MAMLD1: variants seen among roughly 807,000 people sequenced by gnomAD.
MAMLD1 encodes mastermind-like domain-containing protein 1.
A neutral mutation model predicts 45.0 loss-of-function variants in MAMLD1; 14 were observed. The ratio of observed to expected loss-of-function variants is 0.31; its 90% confidence interval spans 0.21 to 0.49. MAMLD1 has a LOEUF of 0.49. Ranked by LOEUF, MAMLD1 falls within the 20% of genes least tolerant of loss-of-function variation. The pLI, the probability that MAMLD1 is intolerant of heterozygous loss-of-function variation, is 0.99. For synonymous variants in MAMLD1, 254 were observed against 247.8 expected (o/e 1.02, Z -0.24); for missense variants, 543 against 603.6 (o/e 0.90, Z 1.05).
chrX:150,476,100 C>T (rs1295577608), intron 5 of MAMLD1, among the ~76,000 whole-genome samples: 1 of 111,685 alleles, frequency 9.0e-6, no homozygotes, highest in Non-Finnish European at 1.9e-5. Context: ...GCTTCTTGGA[C>T]TTTAAATTAC....
intron 3 of MAMLD1, among the ~76,000 whole-genome samples, chrX:150,467,214 G>A: frequency 8.9e-6 from 1 of 112,240 alleles, no homozygotes; most frequent in East Asian, 2.8e-4. Flanking sequence ...GGAGAATGTA[G>A]AAGAGACACA....
rs1293987659 is a variant in MAMLD1 at position 150,386,235 on chromosome X, T to C, written c.-64+22705T>C. 4.5e-5 allele frequency among the ~76,000 whole-genome samples: 5 copies of C among 112,021 alleles called. No homozygotes were observed. The East Asian group carries it at 1.4e-3, about 31-fold the overall frequency. Reference sequence around the variant, plus strand: ...CAGTAATTTACTGTTTCAGGCTTGATGGCTTTCACAGGTTTTTCTAAACAA... The same window carrying C: ...CAGTAATTTACTGTTTCAGGCTTGACGGCTTTCACAGGTTTTTCTAAACAA... On this transcript the variant is annotated intron_variant, in intron 1 of 7. Transcript: ENST00000370401.
At chrX:150,446,379 C>G (rs1380259829) in intron 2 of MAMLD1, among the ~76,000 whole-genome samples, 1 of 111,319 alleles carries the variant, frequency 9.0e-6, no homozygotes, top group Admixed American at 9.5e-5. Context: ...AGCCGTGGGT[C>G]GGCTTCCTTC....
At chrX:150,426,320 G>T (rs1203507910) in intron 1 of MAMLD1, among the ~76,000 whole-genome samples, 1 of 112,304 alleles carries the variant, frequency 8.9e-6, no homozygotes, top group Non-Finnish European at 1.9e-5. Flanking sequence ...GGCTTGAGGA[G>T]TCTATTGCTG....
intron 1 of MAMLD1, among the ~76,000 whole-genome samples, chrX:150,397,617 T>C (rs1426112309): frequency 9.0e-6 from 1 of 111,675 alleles, no homozygotes; most frequent in Non-Finnish European, 1.9e-5. Flanking sequence ...TCATCCCACC[T>C]ACCCATTTAG....
At chrX:150,435,298 G>A (rs1323193961) in intron 1 of MAMLD1, among the ~76,000 whole-genome samples, 4 of 111,276 alleles carry the variant, frequency 3.6e-5, no homozygotes, top group Non-Finnish European at 7.5e-5. Context: ...GGTGGATCAT[G>A]AGGTCAGGAG....
intron 1 of MAMLD1, among the ~76,000 whole-genome samples, chrX:150,398,347 G>GA (rs1557402331): frequency 3.0e-5 from 3 of 98,721 alleles, no homozygotes; most frequent in African/African-American, 1.3e-4. Context: ...AGAAGAGGAA[G>GA]AGGAAGAGGA....
rs186343500 is a variant in MAMLD1, at chrX:150,373,593, G to A, written c.-64+10063G>A. ...CTGAAGCCCTATTCTGCATACGGCT[G>A]GGGACAGGCTCACTGGCATTTTCAG... On this transcript the variant is annotated intron_variant, in intron 1 of 7. Transcript: ENST00000370401. 4.5e-5 allele frequency among the ~76,000 whole-genome samples: 5 copies of A among 111,777 alleles called. No individual in the cohort carries two copies. The East Asian group carries it at 1.4e-3, about 31-fold the overall frequency.
intron 6 of MAMLD1, chrX:150,509,604 G>A (rs1314424583): frequency 8.4e-6 from 2 of 238,324 alleles, no homozygotes; most frequent in East Asian, 2.0e-4. Context: ...TATTAATGCA[G>A]CCTAATGTTA....
intron 5 of MAMLD1, among the ~76,000 whole-genome samples, chrX:150,487,287 GA>G (rs2037022952): frequency 8.9e-6 from 1 of 112,233 alleles, no homozygotes; most frequent in African/African-American, 3.2e-5. Context: ...TCTACTGTGT[GA>G]ACAACTTAAA....
chrX:150,421,992 C>T (rs1467333034), intron 1 of MAMLD1, among the ~76,000 whole-genome samples: 3 of 112,275 alleles, frequency 2.7e-5, no homozygotes, highest in African/African-American at 6.5e-5. Context: ...TAGAGGAAAG[C>T]TAGTCACCAA....
At chrX:150,391,558 T>C (rs897840460) in intron 1 of MAMLD1, among the ~76,000 whole-genome samples, 1 of 111,966 alleles carries the variant, frequency 8.9e-6, no homozygotes, top group Non-Finnish European at 1.9e-5. Context: ...ATTTGTTTCT[T>C]TTTTATAATC....
chrX:150,485,287 A>C (rs1557407547), intron 5 of MAMLD1, among the ~76,000 whole-genome samples: 1 of 110,628 alleles, frequency 9.0e-6, no homozygotes, highest in Non-Finnish European at 1.9e-5. Flanking sequence ...TCTATTTCTC[A>C]CTCTCTCATT....
At chrX:150,363,273 TC>T (rs2031114688), upstream of MAMLD1, 1 of 112,926 alleles carries the variant, frequency 8.9e-6, no homozygotes, top group African/African-American at 3.2e-5. Flanking sequence ...AACTCCACCT[TC>T]CGGGCGCGCG....
chrX:150,433,111 T>A (rs1397819429), intron 1 of MAMLD1, among the ~76,000 whole-genome samples: 1 of 111,537 alleles, frequency 9.0e-6, no homozygotes, highest in Non-Finnish European at 1.9e-5. Flanking sequence ...TTAGCTCTTG[T>A]TCTAGAGATC....
chrX:150,448,800 C>G (rs1425432628), intron 2 of MAMLD1, among the ~76,000 whole-genome samples: 1 of 111,782 alleles, frequency 8.9e-6, no homozygotes, highest in African/African-American at 3.3e-5. Context: ...CATTAGTACT[C>G]CAATTTGAGA....
chrX:150,449,133 G>T (rs781810024), intron 2 of MAMLD1, among the ~76,000 whole-genome samples: 1 of 111,294 alleles, frequency 9.0e-6, no homozygotes, highest in African/African-American at 3.3e-5. Flanking sequence ...GTTGGGCAGG[G>T]TGGGGGGATT....
intron 1 of MAMLD1, among the ~76,000 whole-genome samples, chrX:150,392,488 A>G (rs889129049): frequency 3.6e-5 from 4 of 110,845 alleles, no homozygotes; most frequent in African/African-American, 1.3e-4. Context: ...TCCCCTCCTG[A>G]CCTTCCTTAC....
At chrX:150,369,821 C>T (rs1020346772) in intron 1 of MAMLD1, among the ~76,000 whole-genome samples, 1 of 103,529 alleles carries the variant, frequency 9.7e-6, no homozygotes, top group African/African-American at 3.5e-5. Context: ...CATTGTTGAA[C>T]CTTTTCTTTT....
Sources: gnomAD v4.1 joint callset for allele counts (sites outside exome capture counted in the v4.1 genomes callset) on GRCh38, gnomAD v4.1.1 for gene constraint, MANE v1.5 for transcripts, NCBI Gene and HGNC (gene_info 2026-07-23, HGNC 2026-07-21) for gene names.